Variants in MACROD2 observed in about 807,000 individuals in gnomAD.
MACROD2 encodes the protein mono-ADP ribosylhydrolase 2, also known as ADP-ribose glycohydrolase MACROD2.
A neutral mutation model predicts 70.4 loss-of-function variants in MACROD2; 36 were observed. The observed-to-expected ratio is 0.51, with a 90% CI of 0.39 to 0.68. The LOEUF is 0.68. Ranked by LOEUF, MACROD2 falls within the 30% of genes least tolerant of loss-of-function variation. The pLI, the probability that MACROD2 is intolerant of heterozygous loss-of-function variation, is 0.00. For synonymous variants in MACROD2, 172 were observed against 178.8 expected (o/e 0.96, Z 0.30); for missense variants, 496 against 538.4 (o/e 0.92, Z 0.78).
chr20:15,669,463 A>G, intron 8 of MACROD2, among the ~76,000 whole-genome samples: 1 of 152,128 alleles, frequency 6.6e-6, no homozygotes. Context: ...ACTGTCAGTA[A>G]TGTCACAGTG....
At chr20:15,209,087 T>TGTGGTG (rs537024871) in intron 5 of MACROD2, among the ~76,000 whole-genome samples, 1 of 151,570 alleles carries the variant, frequency 6.6e-6, no homozygotes, top group South Asian at 2.1e-4. Flanking sequence ...ATCCCTTTCC[T>TGTGGTG]GTGGTGGTGG....
At chr20:14,537,197 G>A (rs1448067844) in intron 4 of MACROD2, among the ~76,000 whole-genome samples, 4 of 152,274 alleles carry the variant, frequency 2.6e-5, no homozygotes, top group Non-Finnish European at 4.4e-5. Context: ...ATTATATGGT[G>A]TCCTAGTTAG....
chr20:14,007,643 G>A (rs1601104703), intron 2 of MACROD2, among the ~76,000 whole-genome samples: 1 of 152,186 alleles, frequency 6.6e-6, no homozygotes, highest in African/African-American at 2.4e-5. Flanking sequence ...TGAGACAAGA[G>A]TTCTAGTTCT....
intron 5 of MACROD2, among the ~76,000 whole-genome samples, chr20:15,151,640 A>G (rs1358156572): frequency 3.3e-5 from 5 of 152,082 alleles, no homozygotes; most frequent in Non-Finnish European, 5.9e-5. Flanking sequence ...CTGCCAAATG[A>G]GCCATGAACT....
At chr20:15,886,987 G>A (rs2064830328) in intron 10 of MACROD2, among the ~76,000 whole-genome samples, 1 of 151,996 alleles carries the variant, frequency 6.6e-6, no homozygotes, top group Non-Finnish European at 1.5e-5. Context: ...TCCTCATTTT[G>A]GCAGTCACAG....
intron 8 of MACROD2, among the ~76,000 whole-genome samples, chr20:15,537,063 G>C (rs1317853866): frequency 6.6e-6 from 1 of 152,074 alleles, no homozygotes; most frequent in Non-Finnish European, 1.5e-5. Flanking sequence ...TTGAATTTTA[G>C]CTCCCATAAT....
chr20:15,984,841 T>C (rs2147463212), intron 13 of MACROD2, among the ~76,000 whole-genome samples: 1 of 152,322 alleles, frequency 6.6e-6, no homozygotes, highest in Non-Finnish European at 1.5e-5. Flanking sequence ...AACTTAGAAT[T>C]GGTATAGATG....
intron 5 of MACROD2, among the ~76,000 whole-genome samples, chr20:15,177,105 C>G (rs2076468093): frequency 6.6e-6 from 1 of 152,180 alleles, no homozygotes; most frequent in Non-Finnish European, 1.5e-5. Flanking sequence ...ACACACCTCT[C>G]ACTTCTCTGT....
At chr20:15,419,206 A>G (rs1239823452) in intron 6 of MACROD2, among the ~76,000 whole-genome samples, 1 of 152,186 alleles carries the variant, frequency 6.6e-6, no homozygotes, top group Non-Finnish European at 1.5e-5. Context: ...CAGATGGTGA[A>G]GGTCACCCTT....
rs535761110 is a variant in MACROD2 at position 14,191,229 on chromosome 20, C to T, written c.271+105501C>T. 4.6e-5 allele frequency among the ~76,000 whole-genome samples: 7 copies of T among 152,250 alleles called. No homozygotes were observed. The South Asian group carries it at 1.4e-3, about 32-fold the overall frequency. Reference sequence around the variant, plus strand: ...CCTGTTGCCCTCAGACACAGAAGCTCTACTCATCTTATAAAGCCCAGCTCC... The same window carrying T: ...CCTGTTGCCCTCAGACACAGAAGCTTTACTCATCTTATAAAGCCCAGCTCC... On this transcript the variant is annotated intron_variant, in intron 3 of 17. Transcript: ENST00000684519.
At chr20:15,001,003 C>A (rs1197124660) in intron 5 of MACROD2, among the ~76,000 whole-genome samples, 1 of 152,134 alleles carries the variant, frequency 6.6e-6, no homozygotes, top group Non-Finnish European at 1.5e-5. Flanking sequence ...TTCATCACAC[C>A]TTAGCAAAAG....
chr20:15,000,047 C>T (rs2074980983), intron 5 of MACROD2, among the ~76,000 whole-genome samples: 1 of 152,146 alleles, frequency 6.6e-6, no homozygotes, highest in Non-Finnish European at 1.5e-5. Context: ...ATTGCAGTTA[C>T]TCTTGGAAAG....
chr20:15,853,829 C>T (rs764604392), intron 8 of MACROD2, among the ~76,000 whole-genome samples: 8 of 152,162 alleles, frequency 5.3e-5, no homozygotes, highest in Admixed American at 5.2e-4. Context: ...ACTTACAGAA[C>T]TGTGAGCTAA....
chr20:15,244,901 A>G (rs976321948), intron 6 of MACROD2, among the ~76,000 whole-genome samples: 2 of 152,216 alleles, frequency 1.3e-5, no homozygotes, highest in African/African-American at 2.4e-5. Context: ...TAATTAGCCT[A>G]CTGGTTTACC....
intron 5 of MACROD2, among the ~76,000 whole-genome samples, chr20:14,983,902 A>G (rs1486537475): frequency 6.6e-6 from 1 of 152,170 alleles, no homozygotes; most frequent in Non-Finnish European, 1.5e-5. Flanking sequence ...GGGAAATATG[A>G]CTTTTGAAAT....
At chr20:15,204,698 C>T (rs115446438) in intron 5 of MACROD2, among the ~76,000 whole-genome samples, 165 of 152,142 alleles carry the variant, frequency 1.1e-3, no homozygotes, top group African/African-American at 3.8e-3. Flanking sequence ...AGACCTTTTT[C>T]GCTCAGATTG....
At chr20:14,853,941 T>C (rs2122325060) in intron 5 of MACROD2, among the ~76,000 whole-genome samples, 1 of 152,202 alleles carries the variant, frequency 6.6e-6, no homozygotes, top group African/African-American at 2.4e-5. Flanking sequence ...TTACTCCAAG[T>C]GTATTTTAGT....
chr20:15,370,069 A>C (rs905899612), intron 6 of MACROD2, among the ~76,000 whole-genome samples: 1 of 152,180 alleles, frequency 6.6e-6, no homozygotes, highest in Admixed American at 6.5e-5. Context: ...TTGGAATTTT[A>C]TAATGAACTT....
intron 5 of MACROD2, among the ~76,000 whole-genome samples, chr20:15,018,292 A>G (rs186578902): frequency 6.4e-4 from 98 of 152,342 alleles, no homozygotes; most frequent in Middle Eastern, 3.4e-3. Context: ...TTGCCAAAAC[A>G]TAACAAGAGT....
Sources: allele counts gnomAD v4.1 joint callset (sites outside exome capture counted in the v4.1 genomes callset), GRCh38; gene constraint gnomAD v4.1.1; transcripts MANE v1.5; gene names NCBI Gene and HGNC (gene_info 2026-07-23, HGNC 2026-07-21).